The following PCDHGB3 variants were observed in gnomAD, a reference collection of about 807,000 sequenced individuals.
PCDHGB3 encodes the protein protocadherin gamma subfamily B, 3.
Under a neutral mutation model 59.2 loss-of-function variants are expected in PCDHGB3, and 40 were observed. That is an observed-to-expected ratio of 0.68 (90% CI 0.52 to 0.88). The LOEUF (loss-of-function observed/expected upper bound fraction) is 0.88, where lower values mean the gene tolerates loss of function less well. Ranked by LOEUF, PCDHGB3 falls within the 40% of genes least tolerant of loss-of-function variation. The pLI is 0.00. For missense variants in PCDHGB3, 1,309 were observed against 1,187.9 expected (o/e 1.10, Z -1.50); for synonymous variants, 581 against 503.6 (o/e 1.15, Z -2.06).
Position 141,490,693 on chromosome 5 carries a change from G to A in PCDHGB3, c.2416-4114G>A. On this transcript the variant is annotated intron_variant, in intron 1 of 3. Coordinates refer to ENST00000576222, the MANE Select transcript of PCDHGB3 (RefSeq NM_018924.5). This position sits in a 1 kb window ranked among gnomAD's most constrained non-coding sequence, Gnocchi z 5.4. ...GGCTGCCTCAGATCCAGACACTGGGGATAATGCCCGCCTCACCTACTCCAT... is the reference window on the plus strand; with the variant it reads ...GGCTGCCTCAGATCCAGACACTGGGAATAATGCCCGCCTCACCTACTCCAT... 1.9e-6 allele frequency: 3 copies of A among 1,614,170 alleles called. No homozygotes were observed. Among genetic ancestry groups the A allele is most frequent in the Non-Finnish European group, 2.5e-6 (3 of 1,180,018 alleles).
chr5:141,479,562 T>G (rs1176956064), intron 1 of PCDHGB3: 2 of 152,218 alleles, frequency 1.3e-5, no homozygotes, highest in Non-Finnish European at 2.9e-5. Flanking sequence ...TATCCAGTAG[T>G]GGGATGACAT....
intron 1 of PCDHGB3, chr5:141,423,106 G>A (rs562864937): frequency 1.2e-6 from 2 of 1,613,894 alleles, no homozygotes; most frequent in Admixed American, 1.7e-5. Context: ...CACGGGCGAG[G>A]TGCGTACAGC....
chr5:141,465,629 C>A (rs1048373153), intron 1 of PCDHGB3, among the ~76,000 whole-genome samples: 1 of 152,204 alleles, frequency 6.6e-6, no homozygotes, highest in Non-Finnish European at 1.5e-5. Flanking sequence ...AGTCAACCAG[C>A]AAAATGCTTT....
rs1348785166 is a variant in PCDHGB3, at chr5:141,431,381, C to T, written c.2415+58572C>T. On this transcript the variant is annotated intron_variant, in intron 1 of 3. Coordinates refer to ENST00000576222, the MANE Select transcript of PCDHGB3 (RefSeq NM_018924.5). The surrounding 1 kb of genome is among the most constrained non-coding windows in gnomAD (Gnocchi z 4.8). Reference sequence around the variant, plus strand: ...CCTGGACCGCGAAGAAAAGGCTGCTCACCACCTGGTCCTTACGGCCTCCGA... The same window carrying T: ...CCTGGACCGCGAAGAAAAGGCTGCTTACCACCTGGTCCTTACGGCCTCCGA... 1.2e-6 allele frequency: 2 copies of T among 1,613,940 alleles called. No homozygotes were observed. Among genetic ancestry groups the T allele is most frequent in the Non-Finnish European group, 1.7e-6 (2 of 1,180,042 alleles).
At chr5:141,380,830 A>T (rs1205839306) in intron 1 of PCDHGB3, among the ~76,000 whole-genome samples, 1 of 152,264 alleles carries the variant, frequency 6.6e-6, no homozygotes, top group Non-Finnish European at 1.5e-5. Flanking sequence ...ATTTTGAGGC[A>T]TCAGGTAAAA....
At chr5:141,408,111 C>A (rs1477598232) in intron 1 of PCDHGB3, 7 of 1,455,108 alleles carry the variant, frequency 4.8e-6, no homozygotes, top group African/African-American at 4.3e-5. Context: ...ACCCGGGACT[C>A]CTCCTGTCCT....
chr5:141,389,836 C>T (rs1471068729), intron 1 of PCDHGB3: 2 of 1,613,874 alleles, frequency 1.2e-6, no homozygotes, highest in Non-Finnish European at 1.7e-6. Context: ...GGACAGCCAC[C>T]ACTCTCGGCC....
rs537684458 is a variant in PCDHGB3, at chr5:141,431,679, T to G, written c.2415+58870T>G. The G allele has an allele frequency of 1.5e-5, 24 of 1,614,222 alleles. No individual in the cohort carries two copies. The highest frequency in any genetic ancestry group is 3.3e-5 in the Admixed American group (2 of 60,028). On this transcript the variant is annotated intron_variant, in intron 1 of 3. Coordinates refer to ENST00000576222, the MANE Select transcript of PCDHGB3 (RefSeq NM_018924.5). The surrounding 1 kb of genome is among the most constrained non-coding windows in gnomAD (Gnocchi z 4.8). ...GGGACAATATCAACAATAGGGGAGT[T>G]GGACCACGAGGAGTCAGGATTCTAC...
intron 1 of PCDHGB3, chr5:141,376,398 A>C (rs1266114748): frequency 6.2e-7 from 1 of 1,614,080 alleles, no homozygotes; most frequent in Admixed American, 1.7e-5. Context: ...ATTTTCCCCC[A>C]GCCCAACTAT....
At chr5:141,393,523 A>G in intron 1 of PCDHGB3, 1 of 1,614,018 alleles carries the variant, frequency 6.2e-7, no homozygotes, top group East Asian at 2.2e-5. Flanking sequence ...GATACAAATG[A>G]CAATGCCCCG....
intron 1 of PCDHGB3, chr5:141,403,422 C>T (rs749764130): frequency 6.2e-7 from 1 of 1,613,912 alleles, no homozygotes; most frequent in Admixed American, 1.7e-5. Flanking sequence ...CTTCCAGAAG[C>T]TATTGATCCG....
chr5:141,476,205 C>G lies in PCDHGB3; in HGVS notation c.2416-18602C>G. ...CTGCTTGGTGCCTTGAACAAGGCTT[C>G]CACGGTCATTCACTATGAGATCCCG... On this transcript the variant is annotated intron_variant, in intron 1 of 3. Transcript: ENST00000576222. The surrounding 1 kb of genome is among the most constrained non-coding windows in gnomAD (Gnocchi z 7.6). 1 of 1,613,892 alleles carries G rather than the reference C, an allele frequency of 6.2e-7. No homozygotes were observed. Among genetic ancestry groups the G allele is most frequent in the Non-Finnish European group, 8.5e-7 (1 of 1,180,012 alleles).
Position 141,491,067 on chromosome 5 carries a change from G to A in PCDHGB3, c.2416-3740G>A, listed in dbSNP as rs752758445. On this transcript the variant is annotated intron_variant, in intron 1 of 3. Coordinates refer to ENST00000576222, the MANE Select transcript of PCDHGB3 (RefSeq NM_018924.5). This position sits in a 1 kb window ranked among gnomAD's most constrained non-coding sequence, Gnocchi z 6.9. ...ACAATGCGTGGCTCTCCTACTCACT[G>A]TTGCCACAGTCCACAGCCCCAGGAC... is the stretch of plus-strand genomic sequence containing the variant. 6.2e-7 allele frequency: 1 copy of A among 1,614,200 alleles called. No individual in the cohort carries two copies. Among genetic ancestry groups the A allele is most frequent in the East Asian group, 2.2e-5 (1 of 44,892 alleles).
chr5:141,479,188 A>G (rs2099489531), intron 1 of PCDHGB3: 1 of 152,606 alleles, frequency 6.6e-6, no homozygotes. Context: ...TAGAAAATTC[A>G]GAAAATACAG....
chr5:141,415,197 A>G, intron 1 of PCDHGB3: 1 of 1,614,016 alleles, frequency 6.2e-7, no homozygotes, highest in African/African-American at 1.3e-5. Context: ...GCATCCCCCA[A>G]GTCCTGGCGG....
At chr5:141,502,525 G>A (rs1258704254) in intron 2 of PCDHGB3, among the ~76,000 whole-genome samples, 1 of 152,074 alleles carries the variant, frequency 6.6e-6, no homozygotes, top group Non-Finnish European at 1.5e-5. Flanking sequence ...CAGTGATGCC[G>A]AGTTTGTTCG....
At chr5:141,481,077 G>A (rs1251064585) in intron 1 of PCDHGB3, among the ~76,000 whole-genome samples, 5 of 151,906 alleles carry the variant, frequency 3.3e-5, no homozygotes, top group Non-Finnish European at 7.4e-5. Context: ...AAGAAAGAAA[G>A]AAAAAAGAAA....
chr5:141,500,877 A>ATTT (rs369345007), intron 2 of PCDHGB3, among the ~76,000 whole-genome samples: 1 of 122,288 alleles, frequency 8.2e-6, no homozygotes, highest in Admixed American at 8.0e-5. Context: ...TTCATTTACA[A>ATTT]TTTTTTTTTT....
At chr5:141,405,380 A>G in intron 1 of PCDHGB3, 1 of 1,602,960 alleles carries the variant, frequency 6.2e-7, no homozygotes, top group Non-Finnish European at 8.5e-7. Context: ...GGTTCCGGTG[A>G]GTTCATTTTT....
Sources: allele counts gnomAD v4.1 joint callset (sites outside exome capture counted in the v4.1 genomes callset), GRCh38; gene constraint gnomAD v4.1.1; non-coding constraint Gnocchi (gnomAD v3.1); transcripts MANE v1.5; gene names NCBI Gene and HGNC (gene_info 2026-07-23, HGNC 2026-07-21).